Variants in COL12A1 observed in about 807,000 individuals in gnomAD.
The protein encoded by COL12A1 is collagen alpha-1(XII) chain.
A neutral mutation model predicts 349.7 loss-of-function variants in COL12A1; 114 were observed. The observed-to-expected ratio is 0.33, with a 90% CI of 0.28 to 0.38. The LOEUF (loss-of-function observed/expected upper bound fraction) is 0.38. Ranked by LOEUF, COL12A1 falls within the 10% of genes least tolerant of loss-of-function variation. The pLI is 1.00. For synonymous variants in COL12A1, 1,369 were observed against 1,329.0 expected, an observed-to-expected ratio of 1.03 and a Z score of -0.66; for missense variants, 3,284 against 3,756.9, an observed-to-expected ratio of 0.87 and a Z score of 3.29.
chr6:75,099,190 C>T (rs1768189588), intron 58 of COL12A1, among the ~76,000 whole-genome samples: 2 of 152,152 alleles, frequency 1.3e-5, no homozygotes, highest in South Asian at 4.1e-4. Flanking sequence ...ATTCTTTTTA[C>T]ATTTGTTGGA....
intron 37 of COL12A1, 144 bp downstream of exon 37, chr6:75,129,947 G>T: frequency 1.1e-6 from 1 of 898,076 alleles, no homozygotes; most frequent in East Asian, 2.6e-5. Flanking sequence ...CATTTGGGTG[G>T]TCCCAACGTC....
chr6:75,194,089 AC>A (rs1770097108), intron 3 of COL12A1, among the ~76,000 whole-genome samples: 1 of 152,164 alleles, frequency 6.6e-6, no homozygotes, highest in Admixed American at 6.6e-5. Flanking sequence ...TTGGGTATAT[AC>A]CCAGAAATGG....
At chr6:75,086,611 TATAA>T in intron 65 of COL12A1, 54 bp from the exon 66 acceptor site, 1 of 1,431,304 alleles carries the variant, frequency 7.0e-7, no homozygotes, top group Admixed American at 1.7e-5. Flanking sequence ...AAGTAAAAAA[TATAA>T]ATACACATCC....
chr6:75,119,420 C>T lies in COL12A1; in HGVS notation c.7140G>A (p.Thr2380=), dbSNP rs200230227. The T allele has an allele frequency of 1.4e-4, 220 of 1,613,922 alleles. No individual in the cohort carries two copies. In the African/African-American group the frequency reaches 2.3e-3, roughly 17 times the overall value. Residue 2380 remains threonine, a synonymous_variant, in exon 45 of 66, where the codon ACG becomes ACA. Transcript: ENST00000322507. The part of the protein sequence containing the change: ...DEVKSEFKLN[T]YNDKALALGA... The stretch of plus-strand genomic sequence containing the variant: ...CAAGGGCTAGGGCCTTGTCATTGTA[C>T]GTGTTCAGCTTGAACTCAGACTTGA...
chr6:75,189,146 T>C (rs1769791645), intron 7 of COL12A1, 71 bp downstream of exon 7: 1 of 1,488,374 alleles, frequency 6.7e-7, no homozygotes, highest in Non-Finnish European at 9.1e-7. Flanking sequence ...GGAATCAATC[T>C]TTCATCTTCC....
intron 30 of COL12A1, among the ~76,000 whole-genome samples, chr6:75,138,062 T>G (rs1365912946): frequency 6.6e-6 from 1 of 152,016 alleles, no homozygotes; most frequent in Non-Finnish European, 1.5e-5. Context: ...GCCTCCAGAA[T>G]TGTGAGAATA....
chr6:75,107,058 T>C (rs771802978), intron 52 of COL12A1, among the ~76,000 whole-genome samples: 8 of 151,066 alleles, frequency 5.3e-5, no homozygotes, highest in Admixed American at 1.3e-4. Context: ...TGCACCACCA[T>C]GCCCAGCTAA....
Position 75,189,379 on chromosome 6 carries a change from C to T in COL12A1, c.661G>A (p.Asp221Asn). Reference sequence around the variant, plus strand: ...TTTTTAACTAAATAATCAATGGCATCCCCTAAAGGGAAAAGAAACATGTTC... The same window carrying T: ...TTTTTAACTAAATAATCAATGGCATTCCCTAAAGGGAAAAGAAACATGTTC... ...PYKGGNTMTG[D>N]AIDYLVKNTF... is the part of the protein sequence containing the mutation. The change falls in exon 7 of 66, where the codon GAT (aspartate) becomes AAT (asparagine). Residue 221 changes from aspartate (D) to asparagine (N), a missense_variant and splice_region_variant. Transcript: ENST00000322507. 6.2e-7 allele frequency: 1 copy of T among 1,612,060 alleles called. No individual in the cohort carries two copies. Among genetic ancestry groups the T allele is most frequent in the Non-Finnish European group, 8.5e-7 (1 of 1,179,202 alleles).
chr6:75,096,057 C>T (rs903998245), intron 59 of COL12A1, among the ~76,000 whole-genome samples: 1 of 152,110 alleles, frequency 6.6e-6, no homozygotes, highest in African/African-American at 2.4e-5. Context: ...TGTCAGCACC[C>T]TTAACCCCAC....
chr6:75,202,591 G>T, intron 2 of COL12A1, 129 bp downstream of exon 2: 1 of 879,568 alleles, frequency 1.1e-6, no homozygotes, highest in Non-Finnish European at 1.8e-6. Flanking sequence ...TTTCTCTGAA[G>T]GAGAGAAACC....
At position 75,183,066 on chromosome 6, in the gene COL12A1, T is replaced by C. The variant is rs753518803; in HGVS notation, c.1875A>G (p.Ala625=). 5 of 1,606,256 alleles carry C rather than the reference T, an allele frequency of 3.1e-6. No homozygotes were observed. The African/African-American group carries it at 6.7e-5, about 22-fold the overall frequency. Residue 625 remains alanine, a synonymous_variant, in exon 10 of 66, where the codon GCA becomes GCG. Coordinates refer to ENST00000322507, the MANE Select transcript of COL12A1 (RefSeq NM_004370.6). ...TCTACTAACCTTTCTTCTTTATAGC[T>C]GCCAATTCTTGCTCAATTCTAAGGC... ...SICLRIEQEL[A]AIKKKAYVPP...
At chr6:75,106,007 C>T (rs1308785254) in intron 53 of COL12A1, among the ~76,000 whole-genome samples, 1 of 152,168 alleles carries the variant, frequency 6.6e-6, no homozygotes, top group Non-Finnish European at 1.5e-5. Context: ...TTACCACCTA[C>T]ATAGATACTA....
chr6:75,122,728 A>G (rs1273519856), intron 43 of COL12A1, among the ~76,000 whole-genome samples: 1 of 152,230 alleles, frequency 6.6e-6, no homozygotes, highest in Non-Finnish European at 1.5e-5. Flanking sequence ...AAATGCTGGA[A>G]ACAGCATATG....
intron 20 of COL12A1, among the ~76,000 whole-genome samples, chr6:75,151,564 T>C (rs768112995): frequency 3.0e-4 from 45 of 152,166 alleles, no homozygotes; most frequent in Non-Finnish European, 5.4e-4. Flanking sequence ...TTCTGGAATG[T>C]AAAATAATGG....
intron 2 of COL12A1, among the ~76,000 whole-genome samples, chr6:75,197,095 C>T (rs1770265367): frequency 6.6e-6 from 1 of 152,032 alleles, no homozygotes; most frequent in South Asian, 2.1e-4. Context: ...TCAGGCATGC[C>T]ATTCTATTTG....
rs1199162597 is a variant in COL12A1 at position 75,109,098 on chromosome 6, T to C, written c.8020A>G (p.Ile2674Val). Reference protein sequence around the residue: ...IDCYEIIEKDIKEAGNITTDG... With the variant: ...IDCYEIIEKDVKEAGNITTDG... ...GTTGTTATATTTCCAGCTTCCTTGA[T>C]GTCTTTTTCTATAATTTCATAGCAG... The change falls in exon 52 of 66, where the codon ATC becomes GTC. Residue 2674 changes from isoleucine to valine, a missense_variant. Ile to Val is a conservative substitution (Grantham distance 29). Around this residue, in one of 2 missense-constraint regions of COL12A1, gnomAD observed 683 missense variants for 932.1 expected, o/e 0.73. Coordinates refer to ENST00000322507, the MANE Select transcript of COL12A1 (RefSeq NM_004370.6). 7 of 1,610,760 alleles carry C rather than the reference T, an allele frequency of 4.3e-6. No homozygotes were observed. The African/African-American group carries it at 6.7e-5, about 15-fold the overall frequency.
chr6:75,189,213 C>T lies in COL12A1; in HGVS notation c.823+4G>A. On this transcript the variant is annotated splice_donor_region_variant and intron_variant, in intron 7 of 65. Transcript: ENST00000322507. ...ATGGAAATAATTAACTGAACTTAAC[C>T]TACCCAAGGAGAAAACTTCAACTCC... The T allele has an allele frequency of 6.2e-7, 1 of 1,611,914 alleles. No homozygotes were observed. Among genetic ancestry groups the T allele is most frequent in the Non-Finnish European group, 8.5e-7 (1 of 1,179,004 alleles).
In COL12A1 at chr6:75,194,387, T is replaced by C. The variant is rs768897974; in HGVS notation, c.190+444A>G. Among the ~76,000 whole-genome samples, 76 of 152,208 alleles carry C rather than the reference T, an allele frequency of 5.0e-4. 1 individual carries two copies. The highest frequency in any genetic ancestry group is 8.8e-4 in the Non-Finnish European group (60 of 68,030). ...CAAAGTAAATTCTTATCTGTCATCA[T>C]GGTTGTTTACCATTATCACAGAATG... On this transcript the variant is annotated intron_variant, in intron 3 of 65. Transcript: ENST00000322507.
At chr6:75,102,248 G>A (rs1234030894) in intron 56 of COL12A1, among the ~76,000 whole-genome samples, 196 bp from the exon 57 acceptor site, 1 of 152,128 alleles carries the variant, frequency 6.6e-6, no homozygotes, top group African/African-American at 2.4e-5. Context: ...AACTACAAAT[G>A]CTGTGTTATA....
Sources: gnomAD v4.1 joint callset for allele counts (sites outside exome capture counted in the v4.1 genomes callset) on GRCh38, gnomAD v4.1.1 for gene constraint, gnomAD v4.1.1 regional missense constraint, MANE v1.5 for transcripts, NCBI Gene and HGNC (gene_info 2026-07-23, HGNC 2026-07-21) for gene names.